The following HUS1B variants were observed in gnomAD, a reference collection of about 807,000 sequenced individuals.
HUS1B encodes the protein checkpoint protein HUS1B.
For synonymous variants in HUS1B, 207 were observed against 176.2 expected, an observed-to-expected ratio of 1.17 and a Z score of -1.38; for missense variants, 475 against 390.4, an observed-to-expected ratio of 1.22 and a Z score of -1.83.
chr6:656,334 A>G lies in HUS1B; in HGVS notation c.611T>C (p.Phe204Ser), dbSNP rs747236281. ...ETEVVSIQSYFKNLGNPPQSA... is the reference protein window; with the variant it reads ...ETEVVSIQSYSKNLGNPPQSA... The stretch of plus-strand genomic sequence containing the variant: ...CTGGGGAGGGTTTCCAAGATTTTTA[A>G]AATAACTTTGAATGGACACCACCTC... The change falls in exon 1 of 1, where the codon TTT becomes TCT. Residue 204 changes from phenylalanine to serine, a missense_variant. By Grantham distance (155) the Phe-to-Ser change is radical. Transcript: ENST00000380907. The G allele has an allele frequency of 6.2e-7, 1 of 1,614,182 alleles. No homozygotes were observed. Among genetic ancestry groups the G allele is most frequent in the East Asian group, 2.2e-5 (1 of 44,880 alleles).
chr6:656,618 G>A lies in HUS1B; in HGVS notation c.327C>T (p.Arg109=). ...SLKLQLTHKR[R]PSLTVAVELV... is the part of the protein sequence containing the mutation. ...GCTCCACCGCCACCGTGAGGGAGGGGCGGCGCTTGTGGGTCAGCTGCAGCT... is the reference window on the plus strand; with the variant it reads ...GCTCCACCGCCACCGTGAGGGAGGGACGGCGCTTGTGGGTCAGCTGCAGCT... Residue 109 remains arginine, a synonymous_variant, in exon 1 of 1, where the codon CGC becomes CGT. Transcript: ENST00000380907. 1 of 1,602,624 alleles carries A rather than the reference G, an allele frequency of 6.2e-7. No individual in the cohort carries two copies. The highest frequency in any genetic ancestry group is 8.5e-7 in the Non-Finnish European group (1 of 1,174,920).
chr6:656,042 C>T lies in HUS1B; in HGVS notation c.*66G>A. 8.2e-7 allele frequency: 1 copy of T among 1,216,408 alleles called. No individual in the cohort carries two copies. Among genetic ancestry groups the T allele is most frequent in the Admixed American group, 2.0e-5 (1 of 50,592 alleles). 75.4% of individuals were successfully genotyped at this position (1,216,408 alleles called of 1,614,324 possible). On this transcript the variant is annotated 3_prime_UTR_variant, in exon 1 of 1. Transcript: ENST00000380907. The stretch of plus-strand genomic sequence containing the variant: ...AGGTCCAAATTTTCAACCCAATTAA[C>T]TCAGGGTCTGTTTTAGTTTTGAAAA...
At chr6:656,526 C>CT in the HUS1B span, 1 of 1,604,540 alleles carries the variant, frequency 6.2e-7, no homozygotes. Context: ...CCGCCACACT[C>CT]TCCTGGGAAG....
In HUS1B at chr6:657,080, CCGGTTG is replaced by C. The variant is rs1763162988; in HGVS notation, c.-142_-137del. 4.1e-6 allele frequency: 3 copies of C among 726,036 alleles called. No homozygotes were observed. The highest frequency in any genetic ancestry group is 4.2e-4 in the Middle Eastern group (1 of 2,354). 45.0% of individuals were successfully genotyped at this position (726,036 alleles called of 1,614,324 possible). A position where few individuals can be genotyped will look rare whatever the true frequency, so the allele number is the denominator to read the frequency against. ...CCCAGCTAGGCAGGCACTCGGGTTC[CCGGTTG>C]CGGTTGCGGGTTCTGTTGTGGGTTC... On this transcript the variant is annotated 5_prime_UTR_variant, in exon 1 of 1. Coordinates refer to ENST00000380907, the MANE Select transcript of HUS1B (RefSeq NM_148959.4).
chr6:656,068 G>C lies in HUS1B; in HGVS notation c.*40C>G. ...TCAGGGTCTGTTTTAGTTTTGAAAA[G>C]ATCAAAACCTTAAAAAAAAAATCTA... On this transcript the variant is annotated 3_prime_UTR_variant, in exon 1 of 1. Transcript: ENST00000380907. The C allele has an allele frequency of 6.8e-7, 1 of 1,471,386 alleles. No individual in the cohort carries two copies. The allele number at this position is 1,471,386 out of a possible 1,614,324, so 91.1% of individuals were successfully genotyped here.
chr6:656,278 G>C lies in HUS1B; in HGVS notation c.667C>G (p.Leu223Val). ...SAVGVPENRDLESMVQVRVDN... is the reference protein window; with the variant it reads ...SAVGVPENRDVESMVQVRVDN... ...ACCCGCACTTGCACCATGCTCTCCA[G>C]GTCTCTGTTTTCAGGCACACCCACA... The change falls in exon 1 of 1, where the codon CTG becomes GTG. Residue 223 changes from leucine to valine, a missense_variant. Leu to Val is a conservative substitution (Grantham distance 32). Transcript: ENST00000380907. 1.2e-6 allele frequency: 2 copies of C among 1,614,182 alleles called. No homozygotes were observed. The highest frequency in any genetic ancestry group is 1.7e-6 in the Non-Finnish European group (2 of 1,180,030).
chr6:656,478 CTCGCG>C, the HUS1B span: 9 of 1,610,752 alleles, frequency 5.6e-6, no homozygotes, highest in African/African-American at 8.0e-5. Flanking sequence ...CAGGCGGATG[CTCGCG>C]TCGGAGGCGC....
At position 656,637 on chromosome 6, in the gene HUS1B, TGCA is replaced by T; in HGVS notation, c.305_307del (p.Leu102del). On this transcript the variant is annotated inframe_deletion, in exon 1 of 1. Transcript: ENST00000380907. ...GGAGGGGCGGCGCTTGTGGGTCAGC[TGCA>T]GCTTCAGGGAGGACGCGCCCGCTGC... 6.2e-7 allele frequency: 1 copy of T among 1,606,790 alleles called. No individual in the cohort carries two copies. Among genetic ancestry groups the T allele is most frequent in the Non-Finnish European group, 8.5e-7 (1 of 1,176,766 alleles).
At position 656,626 on chromosome 6, in the gene HUS1B, T is replaced by G; in HGVS notation, c.319A>C (p.Lys107Gln). The change falls in exon 1 of 1, where the codon AAG becomes CAG. Residue 107 changes from lysine (K) to glutamine (Q), a missense_variant. Physicochemically the swap from Lys to Gln is moderately conservative, Grantham distance 53. Transcript: ENST00000380907. ...GCCACCGTGAGGGAGGGGCGGCGCT[T>G]GTGGGTCAGCTGCAGCTTCAGGGAG... ...ASSLKLQLTH[K>Q]RRPSLTVAVE... 6.2e-7 allele frequency: 1 copy of G among 1,604,686 alleles called. No individual in the cohort carries two copies. Among genetic ancestry groups the G allele is most frequent in the East Asian group, 2.2e-5 (1 of 44,686 alleles).
rs1581637940 is a variant in HUS1B at position 656,012 on chromosome 6, A to G, written c.*96T>C. ...ACAAAATATACGCCCTGCATAAGTC[A>G]GTGAAGGTCCAAATTTTCAACCCAA... On this transcript the variant is annotated 3_prime_UTR_variant, in exon 1 of 1. Coordinates refer to ENST00000380907, the MANE Select transcript of HUS1B (RefSeq NM_148959.4). 3.5e-6 allele frequency: 3 copies of G among 864,762 alleles called. No homozygotes were observed. The East Asian group carries it at 7.3e-5, about 21-fold the overall frequency. 53.6% of individuals were successfully genotyped at this position (864,762 alleles called of 1,614,324 possible). A position where few individuals can be genotyped will look rare whatever the true frequency, so the allele number is the denominator to read the frequency against.
chr6:656,658 C>T lies in HUS1B; in HGVS notation c.287G>A (p.Gly96Asp), dbSNP rs759519295. Residue 96 changes from glycine to aspartate, a missense_variant, in exon 1 of 1, where the codon GGC becomes GAC. Gly to Asp is a moderately conservative substitution (Grantham distance 94). Transcript: ENST00000380907. ...HLSRAARSAA[G>D]ASSLKLQLTH... The stretch of plus-strand genomic sequence containing the variant: ...CAGCTGCAGCTTCAGGGAGGACGCG[C>T]CCGCTGCGCTTCTCGCCGCCCGGGA... 240 of 1,607,238 alleles carry T rather than the reference C, an allele frequency of 1.5e-4. No individual in the cohort carries two copies. Among genetic ancestry groups the T allele is most frequent in the Non-Finnish European group, 2.0e-4 (236 of 1,177,104 alleles).
Position 656,997 on chromosome 6 carries a change from A to G in HUS1B, c.-53T>C, listed in dbSNP as rs572473471. 8.3e-5 allele frequency: 118 copies of G among 1,419,404 alleles called. No individual in the cohort carries two copies. In the East Asian group the frequency reaches 2.9e-3, roughly 35 times the overall value. 87.9% of individuals were successfully genotyped at this position (1,419,404 alleles called of 1,614,324 possible). ...CTCTGAGGGGGATTCCGCGTGCCAC[A>G]AGCCCTTCCGGTCCGCTGGGGTCCG... On this transcript the variant is annotated 5_prime_UTR_variant, in exon 1 of 1. Coordinates refer to ENST00000380907, the MANE Select transcript of HUS1B (RefSeq NM_148959.4).
At position 656,104 on chromosome 6, in the gene HUS1B, AT is replaced by A; in HGVS notation, c.*3del. On this transcript the variant is annotated 3_prime_UTR_variant, in exon 1 of 1. Transcript: ENST00000380907. ...TAAAAAAAAAATCTAAGCTGGCTGA[AT>A]TTTTACAAGGCAGGAATGAAATACT... The A allele has an allele frequency of 6.3e-7, 1 of 1,588,728 alleles. No individual in the cohort carries two copies. The highest frequency in any genetic ancestry group is 8.6e-7 in the Non-Finnish European group (1 of 1,161,678).
chr6:655,989 A>C lies in HUS1B; in HGVS notation c.*119T>G. 2.7e-6 allele frequency: 2 copies of C among 730,226 alleles called. No homozygotes were observed. The highest frequency in any genetic ancestry group is 4.6e-6 in the Non-Finnish European group (2 of 434,576). 45.2% of individuals were successfully genotyped at this position (730,226 alleles called of 1,614,324 possible). ...TTTTGCAAAGGAGGAAGGGCTCAACAAAATATACGCCCTGCATAAGTCAGT... is the reference window on the plus strand; with the variant it reads ...TTTTGCAAAGGAGGAAGGGCTCAACCAAATATACGCCCTGCATAAGTCAGT... On this transcript the variant is annotated 3_prime_UTR_variant, in exon 1 of 1. Coordinates refer to ENST00000380907, the MANE Select transcript of HUS1B (RefSeq NM_148959.4).
chr6:656,648 G>A lies in HUS1B; in HGVS notation c.297C>T (p.Ser99=), dbSNP rs770062318. The A allele has an allele frequency of 1.2e-5, 19 of 1,607,248 alleles. No individual in the cohort carries two copies. Among genetic ancestry groups the A allele is most frequent in the Middle Eastern group, 3.3e-4 (2 of 6,058 alleles). Reference sequence around the variant, plus strand: ...GCTTGTGGGTCAGCTGCAGCTTCAGGGAGGACGCGCCCGCTGCGCTTCTCG... The same window carrying A: ...GCTTGTGGGTCAGCTGCAGCTTCAGAGAGGACGCGCCCGCTGCGCTTCTCG... The part of the protein sequence containing the change: ...RAARSAAGAS[S]LKLQLTHKRR... The change falls in exon 1 of 1, where the codon TCC becomes TCT. Residue 99 remains serine, a synonymous_variant. Transcript: ENST00000380907.
chr6:656,417 G>C lies in HUS1B; in HGVS notation c.528C>G (p.Gly176=), dbSNP rs1420905445. ...GGTTTGCTTCCACCAGCACGTGACT[G>C]CCCACGTTCGCCATCCTCTCCACGA... The part of the protein sequence containing the change: ...RSIVERMANV[G]SHVLVEANLS... The change falls in exon 1 of 1, where the codon GGC becomes GGG. Residue 176 remains glycine, a synonymous_variant. Coordinates refer to ENST00000380907, the MANE Select transcript of HUS1B (RefSeq NM_148959.4). 1 of 1,613,998 alleles carries C rather than the reference G, an allele frequency of 6.2e-7. No homozygotes were observed. Among genetic ancestry groups the C allele is most frequent in the Non-Finnish European group, 8.5e-7 (1 of 1,179,932 alleles).
In HUS1B at chr6:657,080, C is replaced by CCGGTTG; in HGVS notation, c.-142_-137dup. ...CCCAGCTAGGCAGGCACTCGGGTTCCCGGTTGCGGTTGCGGGTTCTGTTGT... is the reference window on the plus strand; with the variant it reads ...CCCAGCTAGGCAGGCACTCGGGTTCCCGGTTGCGGTTGCGGTTGCGGGTTCTGTTGT... On this transcript the variant is annotated 5_prime_UTR_variant, in exon 1 of 1. Transcript: ENST00000380907. The CCGGTTG allele has an allele frequency of 1.4e-6, 1 of 726,036 alleles. No individual in the cohort carries two copies. The highest frequency in any genetic ancestry group is 3.1e-5 in the East Asian group (1 of 32,264). The allele number at this position is 726,036 out of a possible 1,614,324, so 45.0% of individuals were successfully genotyped here.
chr6:656,838 G>C lies in HUS1B; in HGVS notation c.107C>G (p.Pro36Arg). The change falls in exon 1 of 1, where the codon CCT (proline) becomes CGT (arginine). Residue 36 changes from proline to arginine, a missense_variant. Transcript: ENST00000380907. ...LAKVCVLRVR[P>R]DSLCFGPAGS... ...CGCGGGGCCGAAGCACAGGCTGTCAGGGCGCACGCGGAGCACGCAGACCTT... is the reference window on the plus strand; with the variant it reads ...CGCGGGGCCGAAGCACAGGCTGTCACGGCGCACGCGGAGCACGCAGACCTT... 1.2e-6 allele frequency: 2 copies of C among 1,610,670 alleles called. No individual in the cohort carries two copies. The highest frequency in any genetic ancestry group is 4.5e-5 in the East Asian group (2 of 44,766).
Position 656,439 on chromosome 6 carries a change from A to T in HUS1B, c.506T>A (p.Val169Glu). The part of the protein sequence containing the change: ...LPRWRTLRSI[V>E]ERMANVGSHV... ...ACTGCCCACGTTCGCCATCCTCTCCACGATGCTCCTCAGCGTCCTCCAGCG... is the reference window on the plus strand; with the variant it reads ...ACTGCCCACGTTCGCCATCCTCTCCTCGATGCTCCTCAGCGTCCTCCAGCG... Residue 169 changes from valine to glutamate, a missense_variant, in exon 1 of 1, where the codon GTG becomes GAG. Physicochemically the swap from Val to Glu is moderately radical, Grantham distance 121. Transcript: ENST00000380907. 1 of 1,613,680 alleles carries T rather than the reference A, an allele frequency of 6.2e-7. No individual in the cohort carries two copies. The highest frequency in any genetic ancestry group is 8.5e-7 in the Non-Finnish European group (1 of 1,179,744).
Sources: allele counts gnomAD v4.1 joint callset, GRCh38; gene constraint gnomAD v4.1.1; transcripts MANE v1.5; gene names NCBI Gene and HGNC (gene_info 2026-07-23, HGNC 2026-07-21).